Variants in ZBTB40 observed in about 807,000 individuals in gnomAD.
ZBTB40 encodes the protein zinc finger and BTB domain-containing protein 40.
In ZBTB40, 60 loss-of-function variants were observed where a neutral mutation model predicts 117.5. The ratio of observed to expected loss-of-function variants is 0.51; its 90% CI spans 0.41 to 0.63. The LOEUF is 0.63. Among genes scored for constraint, ZBTB40 ranks in the 30% least tolerant of loss-of-function variants. The pLI, the probability that ZBTB40 is intolerant of heterozygous loss-of-function variation, is 0.00. For missense variants in ZBTB40, 1,287 were observed against 1,498.5 expected (o/e 0.86, Z 2.33); for synonymous variants, 525 against 577.1 (o/e 0.91, Z 1.29).
chr1:22,509,076 G>GT (rs1346414924), intron 8 of ZBTB40, 24 bp from the exon 9 acceptor site: 1 of 1,614,084 alleles, frequency 6.2e-7, no homozygotes, highest in Admixed American at 1.7e-5. Flanking sequence ...TGCCTAATGA[G>GT]TTTTTGATCC....
At chr1:22,523,592 A>G (rs1329531807) in intron 16 of ZBTB40, among the ~76,000 whole-genome samples, 3 of 152,210 alleles carry the variant, frequency 2.0e-5, no homozygotes, top group Non-Finnish European at 1.5e-5. Flanking sequence ...TGGTCTCTTG[A>G]GCGTTATGTA....
intron 1 of ZBTB40, among the ~76,000 whole-genome samples, chr1:22,482,359 A>G (rs533778044): frequency 6.6e-6 from 1 of 152,342 alleles, no homozygotes; most frequent in Admixed American, 6.5e-5. Context: ...TGCAAAATTA[A>G]GCGGAAATTA....
In ZBTB40 at chr1:22,509,084, T is replaced by TC. The variant is rs766599741; in HGVS notation, c.1700-11dup. 1.6e-5 allele frequency: 26 copies of TC among 1,613,850 alleles called. No homozygotes were observed. Among genetic ancestry groups the TC allele is most frequent in the Non-Finnish European group, 1.9e-5 (22 of 1,180,016 alleles). On this transcript the variant is annotated splice_polypyrimidine_tract_variant and intron_variant, in intron 8 of 17. Coordinates refer to ENST00000375647, the MANE Select transcript of ZBTB40 (RefSeq NM_014870.4). Reference sequence around the variant, plus strand: ...CATTGTTTGCCTAATGAGTTTTTGATCCCCCTTTTTTTCAGTGACCACCCC... The same window carrying TC: ...CATTGTTTGCCTAATGAGTTTTTGATCCCCCCTTTTTTTCAGTGACCACCCC...
intron 1 of ZBTB40, among the ~76,000 whole-genome samples, chr1:22,461,294 A>G (rs1199997022): frequency 6.6e-6 from 1 of 150,768 alleles, no homozygotes; most frequent in African/African-American, 2.4e-5. Context: ...GTCAGAGTCC[A>G]AGACAGCAGA....
At chr1:22,473,530 AT>A (rs1413685784) in intron 1 of ZBTB40, among the ~76,000 whole-genome samples, 1 of 152,226 alleles carries the variant, frequency 6.6e-6, no homozygotes, top group East Asian at 1.9e-4. Context: ...ATTAGTGGTT[AT>A]TTGATAAATA....
At chr1:22,472,211 G>A (rs924784015) in intron 1 of ZBTB40, among the ~76,000 whole-genome samples, 3 of 150,842 alleles carry the variant, frequency 2.0e-5, no homozygotes, top group African/African-American at 7.3e-5. Context: ...GAGTCTTGCT[G>A]TGTTGCCCAG....
chr1:22,520,173 G>A lies in ZBTB40; in HGVS notation c.2946G>A (p.Thr982=), dbSNP rs370544493. The A allele has an allele frequency of 2.1e-5, 34 of 1,614,116 alleles. No homozygotes were observed. In the Admixed American group the frequency reaches 3.3e-4, roughly 16 times the overall value. The change falls in exon 14 of 18, where the codon ACG becomes ACA. Residue 982 remains threonine, a synonymous_variant. Transcript: ENST00000375647. ...CCAAAGAGTACCACCCCTGCCCCAC[G>A]TGTGGGAAGATCTTCAGTGCCCCGT... The part of the protein sequence containing the change: ...VHSKEYHPCP[T]CGKIFSAPSM...
intron 15 of ZBTB40, 137 bp from the exon 16 acceptor site, chr1:22,522,240 G>A (rs1639546161): frequency 2.4e-6 from 2 of 816,584 alleles, no homozygotes; most frequent in Non-Finnish European, 4.3e-6. Flanking sequence ...ATATACCATA[G>A]GTTATAAGAT....
chr1:22,499,658 A>G (rs981004697), intron 3 of ZBTB40, among the ~76,000 whole-genome samples: 1 of 152,176 alleles, frequency 6.6e-6, no homozygotes, highest in African/African-American at 2.4e-5. Flanking sequence ...TGTTTTGTCT[A>G]TGTGTACTTT....
At chr1:22,454,141 C>T (rs2124379756) in intron 1 of ZBTB40, among the ~76,000 whole-genome samples, 1 of 152,238 alleles carries the variant, frequency 6.6e-6, no homozygotes, top group South Asian at 2.1e-4. Context: ...TTAGTAGAGA[C>T]AGAGTTTCAC....
chr1:22,461,912 A>C (rs1160393388), intron 1 of ZBTB40, among the ~76,000 whole-genome samples: 3 of 152,126 alleles, frequency 2.0e-5, no homozygotes, highest in African/African-American at 7.2e-5. Flanking sequence ...TTTTTCGCTG[A>C]TAGGGCTGGG....
At chr1:22,508,452 A>G (rs1639133158) in intron 7 of ZBTB40, 78 bp from the exon 8 acceptor site, 4 of 1,533,894 alleles carry the variant, frequency 2.6e-6, no homozygotes, top group South Asian at 2.2e-5. Context: ...CTGTAACCCA[A>G]TATCTAGACT....
At chr1:22,483,033 C>T (rs979420986) in intron 1 of ZBTB40, among the ~76,000 whole-genome samples, 2 of 150,256 alleles carry the variant, frequency 1.3e-5, no homozygotes, top group African/African-American at 4.9e-5. Flanking sequence ...GAGCCGAGAT[C>T]ACGCCACTGC....
rs1411450683 is a variant in ZBTB40, at chr1:22,526,195, C to T, written c.3526-7C>T. On this transcript the variant is annotated splice_polypyrimidine_tract_variant and splice_region_variant and intron_variant, in intron 17 of 17. Coordinates refer to ENST00000375647, the MANE Select transcript of ZBTB40 (RefSeq NM_014870.4). ...CCCAGAGCAGCCTCACGGTCTTTCT[C>T]TTTCAGGTGATCCAAACCCCAGAGC... 4 of 1,614,186 alleles carry T rather than the reference C, an allele frequency of 2.5e-6. No homozygotes were observed. The highest frequency in any genetic ancestry group is 2.2e-5 in the South Asian group (2 of 91,076).
At chr1:22,451,216 G>A (rs894465792), upstream of ZBTB40, among the ~76,000 whole-genome samples, 2 of 152,332 alleles carry the variant, frequency 1.3e-5, no homozygotes, top group African/African-American at 4.8e-5. Context: ...CAAAGAGTGC[G>A]GGCTGGGGAC....
intron 1 of ZBTB40, among the ~76,000 whole-genome samples, chr1:22,454,608 T>C (rs895725649): frequency 1.3e-5 from 2 of 152,140 alleles, no homozygotes; most frequent in Non-Finnish European, 1.5e-5. Context: ...GTTCAGAGAC[T>C]AAGGTGGGTA....
intron 1 of ZBTB40, among the ~76,000 whole-genome samples, chr1:22,474,957 A>G (rs1257119145): frequency 6.6e-6 from 1 of 151,306 alleles, no homozygotes; most frequent in Non-Finnish European, 1.5e-5. Context: ...AAAAAAAAAA[A>G]CAGGTAAGCT....
intron 9 of ZBTB40, 86 bp from the exon 10 acceptor site, chr1:22,511,093 C>CTTT (rs34404742): frequency 2.6e-5 from 35 of 1,342,814 alleles, no homozygotes; most frequent in Admixed American, 2.1e-4. Flanking sequence ...CTGGGATTAG[C>CTTT]TTTTTTTTTT....
At position 22,460,496 on chromosome 1, in the gene ZBTB40, A is replaced by G. The variant is rs138898875; in HGVS notation, c.-70+8492A>G. On this transcript the variant is annotated intron_variant, in intron 1 of 17. Coordinates refer to ENST00000375647, the MANE Select transcript of ZBTB40 (RefSeq NM_014870.4). The stretch of plus-strand genomic sequence containing the variant: ...ACACATACAAAATACCAGGCAGTGT[A>G]CTAGGTATTCTACAGTATTGTTTCA... Among the ~76,000 whole-genome samples the G allele has an allele frequency of 6.6e-5, 10 of 152,348 alleles. 1 individual carries two copies. Among genetic ancestry groups the G allele is most frequent in the African/African-American group, 2.4e-4 (10 of 41,584 alleles).
Sources: gnomAD v4.1 joint callset for allele counts (sites outside exome capture counted in the v4.1 genomes callset) on GRCh38, gnomAD v4.1.1 for gene constraint, MANE v1.5 for transcripts, NCBI Gene and HGNC (gene_info 2026-07-23, HGNC 2026-07-21) for gene names.